The following TREML2 variants were observed in gnomAD, a reference collection of about 807,000 sequenced individuals.
TREML2 encodes trem-like transcript 2 protein.
A neutral mutation model predicts 25.9 loss-of-function variants in TREML2; 24 were observed. The observed-to-expected ratio is 0.93, with a 90% CI of 0.67 to 1.30. The LOEUF (loss-of-function observed/expected upper bound fraction) is 1.30. Ranked by LOEUF, TREML2 falls within the 50% of genes most tolerant of loss-of-function variation. TREML2 has a pLI of 0.00. For synonymous variants in TREML2, 139 were observed against 155.2 expected (o/e 0.90, Z 0.77); for missense variants, 359 against 395.6 (o/e 0.91, Z 0.78).
At chr6:41,195,087 C>G (rs1253583419) in intron 2 of TREML2, among the ~76,000 whole-genome samples, 1 of 152,198 alleles carries the variant, frequency 6.6e-6, no homozygotes, top group East Asian at 1.9e-4. Context: ...CCTCCCGTGT[C>G]AGGCCACCTG....
At chr6:41,199,931 T>C (rs1766244883) in intron 1 of TREML2, among the ~76,000 whole-genome samples, 2 of 152,258 alleles carry the variant, frequency 1.3e-5, no homozygotes, top group African/African-American at 4.8e-5. Context: ...CACAGGTTGC[T>C]GTGAGAATTC....
At chr6:41,200,369 C>T (rs1766252949) in intron 1 of TREML2, among the ~76,000 whole-genome samples, 1 of 152,184 alleles carries the variant, frequency 6.6e-6, no homozygotes, top group South Asian at 2.1e-4. Context: ...CCACCCCTCT[C>T]ACAGGCAGTG....
chr6:41,195,224 G>C (rs1368714998), intron 2 of TREML2, among the ~76,000 whole-genome samples: 1 of 152,108 alleles, frequency 6.6e-6, no homozygotes, highest in Non-Finnish European at 1.5e-5. Flanking sequence ...TGACAAGTAG[G>C]GTCCAGAGAT....
rs79662397 is a variant in TREML2 at position 41,198,511 on chromosome 6, G to C, written c.56-82C>G. On this transcript the variant is annotated intron_variant, in intron 1 of 4. Transcript: ENST00000483722. Reference sequence around the variant, plus strand: ...ATGAAAGTTGAAGATCATGGTGAAGGGTAGAGTGGATATTGTCCTGCTGTC... The same window carrying C: ...ATGAAAGTTGAAGATCATGGTGAAGCGTAGAGTGGATATTGTCCTGCTGTC... 4.1e-3 allele frequency: 5,738 copies of C among 1,392,366 alleles called. 199 individuals are homozygous for C. In the African/African-American group the frequency reaches 0.073, roughly 18 times the overall value. The allele number at this position is 1,392,366 out of a possible 1,614,324, so 86.3% of individuals were successfully genotyped here. A position where few individuals can be genotyped will look rare whatever the true frequency, so the allele number is the denominator to read the frequency against.
At chr6:41,196,813 C>G (rs962324082) in intron 2 of TREML2, among the ~76,000 whole-genome samples, 1 of 152,204 alleles carries the variant, frequency 6.6e-6, no homozygotes, top group Admixed American at 6.5e-5. Flanking sequence ...CAAATACATA[C>G]CCCAGCTCTG....
Position 41,200,838 on chromosome 6 carries a change from C to G in TREML2, c.55+116G>C, listed in dbSNP as rs1353956781. On this transcript the variant is annotated intron_variant, in intron 1 of 4. Transcript: ENST00000483722. ...AAGTCAGCCCTAATCTCCTCCTTCCCCAACCCACAAAACACTAAACAAGAA... is the reference window on the plus strand; with the variant it reads ...AAGTCAGCCCTAATCTCCTCCTTCCGCAACCCACAAAACACTAAACAAGAA... The G allele has an allele frequency of 5.1e-6, 5 of 971,030 alleles. No homozygotes were observed. In the African/African-American group the frequency reaches 8.3e-5, roughly 16 times the overall value. The allele number at this position is 971,030 out of a possible 1,614,324, so 60.2% of individuals were successfully genotyped here. A position where few individuals can be genotyped will look rare whatever the true frequency, so the allele number is the denominator to read the frequency against.
chr6:41,193,153 A>C (rs113498130), intron 3 of TREML2, among the ~76,000 whole-genome samples: 1 of 152,124 alleles, frequency 6.6e-6, no homozygotes, highest in South Asian at 2.1e-4. Context: ...TCTGTTCATC[A>C]GTGAGGATGA....
At chr6:41,200,001 T>C (rs1363448426) in intron 1 of TREML2, among the ~76,000 whole-genome samples, 2 of 152,218 alleles carry the variant, frequency 1.3e-5, no homozygotes, top group African/African-American at 4.8e-5. Flanking sequence ...TTTTCCCACA[T>C]GCTGGGGCCT....
intron 3 of TREML2, 85 bp downstream of exon 3, chr6:41,194,340 G>T: frequency 7.3e-7 from 1 of 1,369,036 alleles, no homozygotes; most frequent in Non-Finnish European, 9.8e-7. Context: ...GGAGCAAAAG[G>T]GGAAGGTCAG....
intron 2 of TREML2, 124 bp downstream of exon 2, chr6:41,197,985 C>G: frequency 1.1e-6 from 1 of 895,548 alleles, no homozygotes; most frequent in East Asian, 2.9e-5. Context: ...TAAAGGCACT[C>G]TGAAAACACT....
chr6:41,199,605 C>G (rs1390754218), intron 1 of TREML2, among the ~76,000 whole-genome samples: 4 of 152,170 alleles, frequency 2.6e-5, no homozygotes, highest in African/African-American at 9.7e-5. Flanking sequence ...CAGGGTGACT[C>G]AGGGGACAGA....
chr6:41,196,733 A>C (rs192829803), intron 2 of TREML2, among the ~76,000 whole-genome samples: 6 of 152,102 alleles, frequency 3.9e-5, no homozygotes, highest in Admixed American at 6.5e-5. Flanking sequence ...GCAACCACTA[A>C]TCTACTTTCT....
chr6:41,190,791 A>C lies in TREML2; in HGVS notation c.*1636T>G, dbSNP rs1196130430. 1 of 152,266 alleles carries C rather than the reference A, an allele frequency of 6.6e-6. No individual in the cohort carries two copies. The highest frequency in any genetic ancestry group is 1.5e-5 in the Non-Finnish European group (1 of 68,096). The allele number at this position is 152,266 out of a possible 1,614,324, so 9.4% of individuals were successfully genotyped here. A position where few individuals can be genotyped will look rare whatever the true frequency, so the allele number is the denominator to read the frequency against. ...ACAACAGGATGGTGGCTACACCGTC[A>C]TGATAGGGAGAACAGCTATCTTAGG... is the stretch of plus-strand genomic sequence containing the variant. On this transcript the variant is annotated 3_prime_UTR_variant, in exon 5 of 5. Coordinates refer to ENST00000483722, the MANE Select transcript of TREML2 (RefSeq NM_024807.4).
intron 2 of TREML2, among the ~76,000 whole-genome samples, chr6:41,195,219 A>T (rs139549545): frequency 6.6e-6 from 1 of 152,306 alleles, no homozygotes; most frequent in East Asian, 1.9e-4. Context: ...ATAATTGACA[A>T]GTAGGGTCCA....
intron 2 of TREML2, among the ~76,000 whole-genome samples, chr6:41,197,493 C>T (rs1360521028): frequency 6.6e-6 from 1 of 152,180 alleles, no homozygotes; most frequent in Non-Finnish European, 1.5e-5. Flanking sequence ...CAGATTTCAA[C>T]AGGGCTGGAA....
Position 41,201,065 on chromosome 6 carries a change from A to T in TREML2, c.-57T>A, listed in dbSNP as rs781401597. 6.3e-7 allele frequency: 1 copy of T among 1,596,110 alleles called. No individual in the cohort carries two copies. Among genetic ancestry groups the T allele is most frequent in the South Asian group, 1.1e-5 (1 of 90,454 alleles). Reference sequence around the variant, plus strand: ...GAGATCCAAGGTGAGGGCCCACCCGACACAGGATGTGCCACCTGGGCCTGC... The same window carrying T: ...GAGATCCAAGGTGAGGGCCCACCCGTCACAGGATGTGCCACCTGGGCCTGC... On this transcript the variant is annotated 5_prime_UTR_variant, in exon 1 of 5. Coordinates refer to ENST00000483722, the MANE Select transcript of TREML2 (RefSeq NM_024807.4).
In TREML2 at chr6:41,192,825, A is replaced by G. The variant is rs374882488; in HGVS notation, c.862T>C (p.Phe288Leu). 3.1e-6 allele frequency: 5 copies of G among 1,612,450 alleles called. No homozygotes were observed. The African/African-American group carries it at 6.7e-5, about 22-fold the overall frequency. Residue 288 changes from phenylalanine (F) to leucine (L), a missense_variant, in exon 4 of 5, where the codon TTT (phenylalanine) becomes CTT (leucine). Transcript: ENST00000483722. ...CTTGCCATGTGTCTCTTCTTCCAAAACCCATAGACCATGATCAGCATCAGC... is the reference window on the plus strand; with the variant it reads ...CTTGCCATGTGTCTCTTCTTCCAAAGCCCATAGACCATGATCAGCATCAGC... ...LVLMLIMVYGFWKKRHMASYS... is the reference protein window; with the variant it reads ...LVLMLIMVYGLWKKRHMASYS...
chr6:41,199,834 G>A (rs1766243870), intron 1 of TREML2, among the ~76,000 whole-genome samples: 1 of 152,204 alleles, frequency 6.6e-6, no homozygotes, highest in Non-Finnish European at 1.5e-5. Flanking sequence ...TCACCTGTTT[G>A]ATACAGAAAT....
chr6:41,191,075 C>T lies in TREML2; in HGVS notation c.*1352G>A, dbSNP rs1325356597. On this transcript the variant is annotated 3_prime_UTR_variant, in exon 5 of 5. Coordinates refer to ENST00000483722, the MANE Select transcript of TREML2 (RefSeq NM_024807.4). ...ACCAGGGTCCTGGCTGTGTCACTCT[C>T]TTGGCCATTGGAACGTCCCTGACCC... 6.5e-6 allele frequency: 1 copy of T among 152,820 alleles called. No homozygotes were observed. The highest frequency in any genetic ancestry group is 1.5e-5 in the Non-Finnish European group (1 of 68,580). 9.5% of individuals were successfully genotyped at this position (152,820 alleles called of 1,614,324 possible). A position where few individuals can be genotyped will look rare whatever the true frequency, so the allele number is the denominator to read the frequency against.
Sources: allele counts gnomAD v4.1 joint callset (sites outside exome capture counted in the v4.1 genomes callset), GRCh38; gene constraint gnomAD v4.1.1; transcripts MANE v1.5; gene names NCBI Gene and HGNC (gene_info 2026-07-23, HGNC 2026-07-21).